Variants in KPNA6 observed in about 807,000 individuals in gnomAD.
KPNA6 encodes the protein importin subunit alpha-7.
Under a neutral mutation model 72.0 loss-of-function variants are expected in KPNA6, and 9 were observed. That is an observed-to-expected ratio of 0.13 (90% CI 0.08 to 0.22). The LOEUF (loss-of-function observed/expected upper bound fraction) is 0.22, where lower values mean the gene tolerates loss of function less well. KPNA6 is among the 10% of genes least tolerant of loss of function. The pLI is 1.00. For synonymous variants in KPNA6, 219 were observed against 242.1 expected (o/e 0.90, Z 0.89); for missense variants, 374 against 655.7 (o/e 0.57, Z 4.69).
At chr1:32,127,796 C>T (rs1641560318) in intron 1 of KPNA6, among the ~76,000 whole-genome samples, 1 of 152,190 alleles carries the variant, frequency 6.6e-6, no homozygotes, top group African/African-American at 2.4e-5. Context: ...AGACCTTACC[C>T]ACTCAGTAAA....
intron 10 of KPNA6, among the ~76,000 whole-genome samples, 164 bp downstream of exon 10, chr1:32,163,477 T>A (rs967808863): frequency 1.3e-5 from 2 of 152,228 alleles, no homozygotes; most frequent in African/African-American, 4.8e-5. Flanking sequence ...AGCTCTGTTA[T>A]TCTCTAAACA....
chr1:32,142,862 T>C (rs1641862631), intron 1 of KPNA6: 1 of 992,114 alleles, frequency 1.0e-6, no homozygotes, highest in Admixed American at 2.8e-5. Context: ...CTTGTCTGCT[T>C]CCCCAGTGAA....
rs75048164 is a variant in KPNA6, at chr1:32,108,284, T to C, written c.4+150T>C. 2,449 of 1,181,864 alleles carry C rather than the reference T, an allele frequency of 2.1e-3. 26 individuals are homozygous for C. Among genetic ancestry groups the C allele is most frequent in the Admixed American group, 0.01 (498 of 48,498 alleles). The allele number at this position is 1,181,864 out of a possible 1,614,324, so 73.2% of individuals were successfully genotyped here. On this transcript the variant is annotated intron_variant, in intron 1 of 13. Transcript: ENST00000373625. ...AAAGTCAGGCCGGGAGTGCCCCTCTTGCCAGTTTTGGGCCGAGCTAGGGCC... is the reference window on the plus strand; with the variant it reads ...AAAGTCAGGCCGGGAGTGCCCCTCTCGCCAGTTTTGGGCCGAGCTAGGGCC...
At chr1:32,136,181 C>CTTTTTTTTTTTTTTTTT (rs759447035) in intron 1 of KPNA6, among the ~76,000 whole-genome samples, 40 of 139,294 alleles carry the variant, frequency 2.9e-4, no homozygotes, top group African/African-American at 5.4e-4. Flanking sequence ...TAGCTTCTCT[C>CTTTTTTTTTTTTTTTTT]TTTTTTTTTT....
At chr1:32,156,618 T>G (rs1362483905) in intron 2 of KPNA6, among the ~76,000 whole-genome samples, 1 of 152,214 alleles carries the variant, frequency 6.6e-6, no homozygotes, top group African/African-American at 2.4e-5. Flanking sequence ...AATTTAAAAC[T>G]TATGAATTGT....
chr1:32,119,621 A>T (rs1641395099), intron 1 of KPNA6, among the ~76,000 whole-genome samples: 1 of 152,196 alleles, frequency 6.6e-6, no homozygotes, highest in Non-Finnish European at 1.5e-5. Flanking sequence ...GATGAACGGG[A>T]CAACCCTATT....
intron 1 of KPNA6, among the ~76,000 whole-genome samples, chr1:32,149,869 T>C (rs1641997432): frequency 6.6e-6 from 1 of 152,164 alleles, no homozygotes; most frequent in African/African-American, 2.4e-5. Flanking sequence ...TATAAAATTC[T>C]AGTTTACCAG....
intron 1 of KPNA6, among the ~76,000 whole-genome samples, chr1:32,117,468 G>C (rs1367381127): frequency 6.7e-6 from 1 of 149,028 alleles, no homozygotes; most frequent in Non-Finnish European, 1.5e-5. Context: ...CACTGCGCCC[G>C]GCCCAATTTG....
chr1:32,141,475 G>T (rs1331610565), intron 1 of KPNA6, among the ~76,000 whole-genome samples: 1 of 130,152 alleles, frequency 7.7e-6, no homozygotes, highest in Non-Finnish European at 1.6e-5. Flanking sequence ...TTGGCTTACT[G>T]CAACCTCCGC....
chr1:32,168,661 G>A (rs1245568876), intron 12 of KPNA6, among the ~76,000 whole-genome samples: 1 of 152,170 alleles, frequency 6.6e-6, no homozygotes, highest in African/African-American at 2.4e-5. Flanking sequence ...ATATGGGATT[G>A]TAAAAGGCCT....
In KPNA6 at chr1:32,144,205, G is replaced by C. The variant is rs575313167; in HGVS notation, c.5-10383G>C. Among the ~76,000 whole-genome samples, 14 of 152,234 alleles carry C rather than the reference G, an allele frequency of 9.2e-5. No individual in the cohort carries two copies. In the East Asian group the frequency reaches 2.3e-3, roughly 25 times the overall value. Reference sequence around the variant, plus strand: ...TTATTAGGTAAAATAAGGATGACTTGACCACAAACACTGCAATATCTGCTA... The same window carrying C: ...TTATTAGGTAAAATAAGGATGACTTCACCACAAACACTGCAATATCTGCTA... On this transcript the variant is annotated intron_variant, in intron 1 of 13. Transcript: ENST00000373625.
chr1:32,121,486 G>C (rs1341383793), intron 1 of KPNA6, among the ~76,000 whole-genome samples: 1 of 152,172 alleles, frequency 6.6e-6, no homozygotes, highest in Admixed American at 6.6e-5. Flanking sequence ...TGGGAATGGA[G>C]ATAGAGGTTT....
intron 1 of KPNA6, among the ~76,000 whole-genome samples, chr1:32,144,539 C>T (rs988745522): frequency 5.9e-5 from 9 of 152,192 alleles, no homozygotes. Context: ...AGTGGCTGCA[C>T]CATTTTCCAT....
chr1:32,124,569 C>T (rs1419632261), intron 1 of KPNA6, among the ~76,000 whole-genome samples: 2 of 150,830 alleles, frequency 1.3e-5, no homozygotes, highest in East Asian at 4.0e-4. Context: ...TGCAGTGGCA[C>T]GATCTCGGCT....
rs1343508104 is a variant in KPNA6, at chr1:32,171,575, T to C, written c.*681T>C. 1 of 152,184 alleles carries C rather than the reference T, an allele frequency of 6.6e-6. No homozygotes were observed. Among genetic ancestry groups the C allele is most frequent in the African/African-American group, 2.4e-5 (1 of 41,444 alleles). The allele number at this position is 152,184 out of a possible 1,614,324, so 9.4% of individuals were successfully genotyped here. ...GGACTAGAGGCTGGGGAGGCTACCA[T>C]GAAACAAAGGTCCCTCCCTCCCTCT... On this transcript the variant is annotated 3_prime_UTR_variant, in exon 14 of 14. Coordinates refer to ENST00000373625, the MANE Select transcript of KPNA6 (RefSeq NM_012316.5).
At chr1:32,162,271 T>C (rs1248321581) in intron 8 of KPNA6, 90 bp from the exon 9 acceptor site, 2 of 1,231,490 alleles carry the variant, frequency 1.6e-6, no homozygotes, top group East Asian at 2.3e-5. Flanking sequence ...GTGTGTGTAT[T>C]GTGGGGGCGG....
chr1:32,135,187 C>T (rs1641712353), intron 1 of KPNA6, among the ~76,000 whole-genome samples: 1 of 152,164 alleles, frequency 6.6e-6, no homozygotes. Context: ...CCTGCTTCAG[C>T]CTCCCAAGTA....
At position 32,154,483 on chromosome 1, in the gene KPNA6, C is replaced by T. The variant is rs554070169; in HGVS notation, c.5-105C>T. ...TTGAGAGCTCCCAGAGAGCTGTATT[C>T]CCCCCAGAGTAGGGGAGGGTGAAGG... is the stretch of plus-strand genomic sequence containing the variant. On this transcript the variant is annotated intron_variant, in intron 1 of 13. Transcript: ENST00000373625. 3.0e-5 allele frequency: 35 copies of T among 1,185,346 alleles called. No homozygotes were observed. The African/African-American group carries it at 4.8e-4, about 16-fold the overall frequency. The allele number at this position is 1,185,346 out of a possible 1,614,324, so 73.4% of individuals were successfully genotyped here.
chr1:32,111,953 A>G (rs192126048), intron 1 of KPNA6, among the ~76,000 whole-genome samples: 1 of 152,206 alleles, frequency 6.6e-6, no homozygotes. Context: ...CACCATTACT[A>G]CTACTGTGCT....
Sources: gnomAD v4.1 joint callset for allele counts (sites outside exome capture counted in the v4.1 genomes callset) on GRCh38, gnomAD v4.1.1 for gene constraint, MANE v1.5 for transcripts, NCBI Gene and HGNC (gene_info 2026-07-23, HGNC 2026-07-21) for gene names.